FGF8: variants seen among roughly 807,000 people sequenced by gnomAD.
FGF8 encodes the protein fibroblast growth factor 8.
FGF8 carries 12 observed loss-of-function variants against 29.7 expected under a neutral mutation model. That is an observed-to-expected ratio of 0.40 (90% CI 0.26 to 0.65). FGF8 has a LOEUF of 0.65. Ranked by LOEUF, FGF8 falls within the 30% of genes least tolerant of loss-of-function variation. The pLI is 0.37. For synonymous variants in FGF8, 157 were observed against 144.4 expected (o/e 1.09, Z -0.63); for missense variants, 271 against 345.1 (o/e 0.79, Z 1.70).
In FGF8 at chr10:101,772,719, G is replaced by A. The variant is rs114595589; in HGVS notation, c.338-1150C>T. ...ACCCATGGCAGGGGTTTGGGGCATC[G>A]AGGTCAGCAAGTCAGTCATCACTGC... On this transcript the variant is annotated intron_variant, in intron 4 of 5. Coordinates refer to ENST00000320185, the MANE Select transcript of FGF8 (RefSeq NM_033163.5). The surrounding 1 kb of genome is among the most constrained non-coding windows in gnomAD (Gnocchi z 4.4). Among the ~76,000 whole-genome samples the A allele has an allele frequency of 4.2e-3, 640 of 152,240 alleles. 7 individuals carry two copies. The highest frequency in any genetic ancestry group is 0.015 in the African/African-American group (607 of 41,536).
chr10:101,777,577 C>T (rs1166332657), upstream of FGF8, among the ~76,000 whole-genome samples: 2 of 152,202 alleles, frequency 1.3e-5, no homozygotes, highest in African/African-American at 4.8e-5. Context: ...GGGTGCGTTC[C>T]AAGATCTTAT....
At position 101,770,498 on chromosome 10, in the gene FGF8, C is replaced by T. The variant is rs377240055; in HGVS notation, c.566G>A (p.Arg189His). 2 of 1,613,594 alleles carry T rather than the reference C, an allele frequency of 1.2e-6. No homozygotes were observed. Among genetic ancestry groups the T allele is most frequent in the Non-Finnish European group, 1.7e-6 (2 of 1,179,894 alleles). ...YMAFTRKGRP[R>H]KGSKTRQHQR... ...GTGCTGCCGCGTCTTGGAGCCCTTG[C>T]GGGGCCGGCCCTTGCGGGTGAAGGC... Residue 189 changes from arginine (R) to histidine (H), a missense_variant, in exon 6 of 6, where the codon CGC (arginine) becomes CAC (histidine). By Grantham distance (29) the Arg-to-His change is conservative. Transcript: ENST00000320185.
rs112137472 is a variant in FGF8 at position 101,771,562 on chromosome 10, G to A, written c.345C>T (p.Leu115=). The A allele has an allele frequency of 1.9e-6, 3 of 1,613,966 alleles. No individual in the cohort carries two copies. Among genetic ancestry groups the A allele is most frequent in the Non-Finnish European group, 1.7e-6 (2 of 1,179,800 alleles). The change falls in exon 5 of 6, where the codon CTC becomes CTT. Residue 115 remains leucine (L), a synonymous_variant. Transcript: ENST00000320185. The surrounding 1 kb of genome is among the most constrained non-coding windows in gnomAD (Gnocchi z 5.3). The stretch of plus-strand genomic sequence containing the variant: ...TTCCAAAGGTGTCCGTCTCCACGAT[G>A]AGCTTTGCTGTCAGAGAAGGTAGCA... ...MAEDGDPFAK[L]IVETDTFGSR...
intron 5 of FGF8, among the ~76,000 whole-genome samples, chr10:101,770,953 C>T (rs2065015527): frequency 6.6e-6 from 1 of 152,030 alleles, no homozygotes. Flanking sequence ...CCTCTCACCC[C>T]CCCAGGACTT....
upstream of FGF8, among the ~76,000 whole-genome samples, chr10:101,777,992 C>T (rs546174989): frequency 4.6e-5 from 7 of 152,332 alleles, no homozygotes; most frequent in African/African-American, 7.2e-5. Context: ...ACACAAGTGG[C>T]CACAGCCCAG....
chr10:101,775,595 C>T lies in FGF8; in HGVS notation c.69+145G>A. 1 of 858,612 alleles carries T rather than the reference C, an allele frequency of 1.2e-6. No homozygotes were observed. The highest frequency in any genetic ancestry group is 1.8e-6 in the Non-Finnish European group (1 of 559,280). 53.2% of individuals were successfully genotyped at this position (858,612 alleles called of 1,614,324 possible). On this transcript the variant is annotated intron_variant, in intron 2 of 5. Transcript: ENST00000320185. The surrounding 1 kb of genome is among the most constrained non-coding windows in gnomAD (Gnocchi z 4.6). The stretch of plus-strand genomic sequence containing the variant: ...CCTCTCTGTGCCTCAGCTCCCTCCT[C>T]GGGGTGGCTCGGGGCTGGGTTTCTA...
At chr10:101,773,341 C>T (rs1203193507) in intron 4 of FGF8, among the ~76,000 whole-genome samples, 1 of 152,198 alleles carries the variant, frequency 6.6e-6, no homozygotes, top group Admixed American at 6.5e-5. Context: ...TTCGTCTCCT[C>T]TCCTTAGAAG....
chr10:101,777,316 C>T (rs934599482), upstream of FGF8, among the ~76,000 whole-genome samples: 1 of 152,174 alleles, frequency 6.6e-6, no homozygotes, highest in African/African-American at 2.4e-5. Flanking sequence ...TGATGCCCTA[C>T]CAGACTGCTG....
Position 101,772,439 on chromosome 10 carries a change from T to C in FGF8, c.338-870A>G, listed in dbSNP as rs1027132867. ...GAGGCCAGGAGGCAGGGCTGAATTC[T>C]ATGCCTCCTTTCCCATTCCCCTCCC... On this transcript the variant is annotated intron_variant, in intron 4 of 5. Transcript: ENST00000320185. This position sits in a 1 kb window ranked among gnomAD's most constrained non-coding sequence, Gnocchi z 4.4. Among the ~76,000 whole-genome samples the C allele has an allele frequency of 2.0e-5, 3 of 152,214 alleles. No homozygotes were observed. The highest frequency in any genetic ancestry group is 7.2e-5 in the African/African-American group (3 of 41,466).
At chr10:101,778,919 CAGAT>C (rs1251643170), upstream of FGF8, among the ~76,000 whole-genome samples, 2 of 152,226 alleles carry the variant, frequency 1.3e-5, no homozygotes, top group Non-Finnish European at 2.9e-5. Flanking sequence ...CTCCCTGGCC[CAGAT>C]GAGGGAGCGC....
rs77611428 is a variant in FGF8 at position 101,770,199 on chromosome 10, C to A, written c.*130G>T. The A allele has an allele frequency of 1.2e-6, 1 of 831,594 alleles. No individual in the cohort carries two copies. Among genetic ancestry groups the A allele is most frequent in the Non-Finnish European group, 1.8e-6 (1 of 562,054 alleles). 51.5% of individuals were successfully genotyped at this position (831,594 alleles called of 1,614,324 possible). ...CCCAACAGCAAACAATATCAACAAC[C>A]GGAACCCAGGGCTCCCCCAGCACCT... On this transcript the variant is annotated 3_prime_UTR_variant, in exon 6 of 6. Transcript: ENST00000320185.
chr10:101,771,499 G>A lies in FGF8; in HGVS notation c.408C>T (p.Tyr136=). The change falls in exon 5 of 6, where the codon TAC becomes TAT. Residue 136 remains tyrosine, a synonymous_variant. Transcript: ENST00000320185. This position sits in a 1 kb window ranked among gnomAD's most constrained non-coding sequence, Gnocchi z 5.3. ...GCTTCCCCTTCTTGTTCATGCAGAT[G>A]TAGAGGCCCGTCTCGGCTCCTCGGA... ...VRVRGAETGL[Y]ICMNKKGKLI... is the part of the protein sequence containing the mutation. 1 of 1,614,226 alleles carries A rather than the reference G, an allele frequency of 6.2e-7. No homozygotes were observed. The highest frequency in any genetic ancestry group is 8.5e-7 in the Non-Finnish European group (1 of 1,180,030).
In FGF8 at chr10:101,775,236, T is replaced by C. The variant is rs950436615; in HGVS notation, c.70-20A>G. On this transcript the variant is annotated intron_variant, in intron 2 of 5. Coordinates refer to ENST00000320185, the MANE Select transcript of FGF8 (RefSeq NM_033163.5). This position sits in a 1 kb window ranked among gnomAD's most constrained non-coding sequence, Gnocchi z 4.6. The stretch of plus-strand genomic sequence containing the variant: ...GCCTTCCTAGAGGAGCAGGGCGCTT[T>C]TAAGTAGGGAGGCAGCCCTCCCCGA... The C allele has an allele frequency of 2.0e-6, 3 of 1,523,310 alleles. No homozygotes were observed. The highest frequency in any genetic ancestry group is 2.7e-6 in the Non-Finnish European group (3 of 1,125,516). 94.4% of individuals were successfully genotyped at this position (1,523,310 alleles called of 1,614,324 possible). A position where few individuals can be genotyped will look rare whatever the true frequency, so the allele number is the denominator to read the frequency against.
chr10:101,778,619 T>C (rs2065115777), upstream of FGF8, among the ~76,000 whole-genome samples: 1 of 152,208 alleles, frequency 6.6e-6, no homozygotes, highest in African/African-American at 2.4e-5. Flanking sequence ...CATTTGGATT[T>C]GGAGACCCTC....
chr10:101,776,731 G>A (rs1487109579), upstream of FGF8, among the ~76,000 whole-genome samples: 3 of 152,024 alleles, frequency 2.0e-5, no homozygotes, highest in South Asian at 2.1e-4. Flanking sequence ...TGTTTCGGCC[G>A]CGTGCCCCGT....
upstream of FGF8, among the ~76,000 whole-genome samples, chr10:101,778,543 C>T (rs533182734): frequency 1.3e-5 from 2 of 152,336 alleles, no homozygotes; most frequent in African/African-American, 2.4e-5. Context: ...CTGAAGGGTC[C>T]GAGGTCAAGT....
At chr10:101,770,993 A>G (rs1461744791) in intron 5 of FGF8, among the ~76,000 whole-genome samples, 1 of 151,836 alleles carries the variant, frequency 6.6e-6, no homozygotes, top group Non-Finnish European at 1.5e-5. Flanking sequence ...CAGCCACCCT[A>G]TGGGGGAGGG....
At chr10:101,779,130 C>T (rs1350205038), upstream of FGF8, among the ~76,000 whole-genome samples, 1 of 152,208 alleles carries the variant, frequency 6.6e-6, no homozygotes, top group Non-Finnish European at 1.5e-5. This position sits in a 1 kb window ranked among gnomAD's most constrained non-coding sequence, Gnocchi z 5.7. Context: ...CAGCCTATTT[C>T]CAAACGCACC....
chr10:101,770,141 TAAA>T lies in FGF8; in HGVS notation c.*185_*187del, dbSNP rs11322844. ...CAAAAATAGAGCCTCTCTTTTGTTT[TAAA>T]AAAAAAAAAAAAAAAAAAAACAGCA... is the stretch of plus-strand genomic sequence containing the variant. On this transcript the variant is annotated 3_prime_UTR_variant, in exon 6 of 6. Transcript: ENST00000320185. 0.014 allele frequency: 5,511 copies of T among 388,074 alleles called. No individual in the cohort carries two copies. The highest frequency in any genetic ancestry group is 0.029 in the South Asian group (534 of 18,616). The allele number at this position is 388,074 out of a possible 1,614,324, so 24.0% of individuals were successfully genotyped here.
Sources: allele counts gnomAD v4.1 joint callset (sites outside exome capture counted in the v4.1 genomes callset), GRCh38; gene constraint gnomAD v4.1.1; non-coding constraint Gnocchi (gnomAD v3.1); transcripts MANE v1.5; gene names NCBI Gene and HGNC (gene_info 2026-07-23, HGNC 2026-07-21).